The following PAN3 variants were observed in gnomAD, a reference collection of about 807,000 sequenced individuals.
PAN3 encodes PAN2-PAN3 deadenylation complex subunit PAN3.
Under a neutral mutation model 96.2 loss-of-function variants are expected in PAN3, and 19 were observed. That is an observed-to-expected ratio of 0.20 (90% CI 0.14 to 0.29). The LOEUF is 0.29. PAN3 is among the 10% of genes least tolerant of loss of function. PAN3 has a pLI of 1.00. For missense variants in PAN3, 882 were observed against 1,108.1 expected, an observed-to-expected ratio of 0.80 and a Z score of 2.90; for synonymous variants, 433 against 406.6, an observed-to-expected ratio of 1.06 and a Z score of -0.78.
rs113857357 is a variant in PAN3 at position 28,185,151 on chromosome 13, C to T, written c.690+7216C>T. ...GTGAATGATCTCTAGTAATCAGTTT[C>T]CCTTAGTAAATGGCTATGTGTTCTC... On this transcript the variant is annotated intron_variant, in intron 4 of 18. Coordinates refer to ENST00000380958, the MANE Select transcript of PAN3 (RefSeq NM_175854.8). Among the ~76,000 whole-genome samples, 1,448 of 152,160 alleles carry T rather than the reference C, an allele frequency of 9.5e-3. 17 individuals are homozygous for T. The highest frequency in any genetic ancestry group is 0.033 in the African/African-American group (1,383 of 41,524).
intron 2 of PAN3, 87 bp downstream of exon 2, chr13:28,174,480 T>G (rs1874701917): frequency 7.0e-7 from 1 of 1,426,054 alleles, no homozygotes; most frequent in Admixed American, 2.1e-5. Context: ...CCTACATTTG[T>G]TGAGTGGGAG....
chr13:28,268,591 T>C (rs991580894), intron 12 of PAN3, among the ~76,000 whole-genome samples: 5 of 152,156 alleles, frequency 3.3e-5, no homozygotes, highest in African/African-American at 1.2e-4. Context: ...CATTTTGAGA[T>C]GTCTATTCAT....
chr13:28,247,851 G>A (rs796512061), intron 6 of PAN3, among the ~76,000 whole-genome samples: 33 of 152,284 alleles, frequency 2.2e-4, no homozygotes, highest in African/African-American at 7.7e-4. Flanking sequence ...TTTGAAGCAA[G>A]TAGTAGATGT....
intron 4 of PAN3, among the ~76,000 whole-genome samples, chr13:28,183,569 A>G (rs1006303505): frequency 6.6e-6 from 1 of 152,212 alleles, no homozygotes; most frequent in African/African-American, 2.4e-5. Context: ...AGTTCGGGGT[A>G]TGGGGAAGAC....
intron 1 of PAN3, among the ~76,000 whole-genome samples, chr13:28,140,580 C>G (rs1199760660): frequency 6.6e-6 from 1 of 152,098 alleles, no homozygotes; most frequent in Non-Finnish European, 1.5e-5. Context: ...CGGGATCTTC[C>G]TATGTTGCCC....
At chr13:28,286,601 G>C (rs536275993) in intron 17 of PAN3, among the ~76,000 whole-genome samples, 1 of 152,110 alleles carries the variant, frequency 6.6e-6, no homozygotes, top group African/African-American at 2.4e-5. Context: ...GTTTTGTCAG[G>C]TCTACTAAGT....
chr13:28,138,596 T>C lies in PAN3; in HGVS notation c.-62T>C, dbSNP rs1022825176. ...GGCAGCGTCTTCCTTTCCTCCCCCG[T>C]CTATGGTGGTGGCGGCGGCGGCTCC... On this transcript the variant is annotated 5_prime_UTR_variant, in exon 1 of 19. Transcript: ENST00000380958. 2 of 364,298 alleles carry C rather than the reference T, an allele frequency of 5.5e-6. No individual in the cohort carries two copies. The highest frequency in any genetic ancestry group is 7.6e-5 in the African/African-American group (2 of 26,254). The allele number at this position is 364,298 out of a possible 1,614,324, so 22.6% of individuals were successfully genotyped here.
intron 4 of PAN3, among the ~76,000 whole-genome samples, chr13:28,194,018 G>A (rs994981463): frequency 6.6e-6 from 1 of 151,918 alleles, no homozygotes; most frequent in Admixed American, 6.6e-5. Flanking sequence ...TTAGCCAGGT[G>A]TGGTGGCAGG....
At chr13:28,194,456 A>G (rs1194114756) in intron 4 of PAN3, among the ~76,000 whole-genome samples, 7 of 100,970 alleles carry the variant, frequency 6.9e-5, no homozygotes, top group African/African-American at 3.1e-4. Context: ...GTATGTATAT[A>G]TATATATATA....
chr13:28,246,906 C>T (rs2138532564), intron 6 of PAN3, among the ~76,000 whole-genome samples: 1 of 152,258 alleles, frequency 6.6e-6, no homozygotes, highest in East Asian at 1.9e-4. Context: ...GTCTCTTCTA[C>T]ATACTGATTT....
At chr13:28,260,955 AGTTTTTTT>A (rs1885669694) in intron 8 of PAN3, among the ~76,000 whole-genome samples, 1 of 152,200 alleles carries the variant, frequency 6.6e-6, no homozygotes, top group Admixed American at 6.5e-5. Flanking sequence ...GTTTTTTAAA[AGTTTTTTT>A]GTTTTGTTTA....
At chr13:28,276,109 T>G (rs1483883466) in intron 14 of PAN3, among the ~76,000 whole-genome samples, 1 of 152,186 alleles carries the variant, frequency 6.6e-6, no homozygotes, top group Non-Finnish European at 1.5e-5. Flanking sequence ...TTACCATCAT[T>G]TGTGGAAGCT....
chr13:28,209,113 G>T (rs1201335766), intron 5 of PAN3, among the ~76,000 whole-genome samples: 1 of 152,036 alleles, frequency 6.6e-6, no homozygotes, highest in East Asian at 1.9e-4. Context: ...TATTGTTTTT[G>T]TTTGTATTTT....
chr13:28,168,679 A>G (rs2138068221), intron 1 of PAN3, among the ~76,000 whole-genome samples: 1 of 152,162 alleles, frequency 6.6e-6, no homozygotes, highest in East Asian at 1.9e-4. Flanking sequence ...AGATCGTGCC[A>G]CTGCATTCCA....
chr13:28,208,185 T>A (rs1203359134), intron 5 of PAN3, among the ~76,000 whole-genome samples: 1 of 152,214 alleles, frequency 6.6e-6, no homozygotes, highest in Non-Finnish European at 1.5e-5. Flanking sequence ...AAAGAATACA[T>A]CTAAGTATTA....
At chr13:28,177,167 T>C (rs1875128447) in intron 3 of PAN3, among the ~76,000 whole-genome samples, 1 of 152,154 alleles carries the variant, frequency 6.6e-6, no homozygotes, top group Admixed American at 6.5e-5. Flanking sequence ...ATCTCACACA[T>C]GCCTTTTCAG....
chr13:28,142,158 A>G (rs974026760), intron 1 of PAN3, among the ~76,000 whole-genome samples: 2 of 152,186 alleles, frequency 1.3e-5, no homozygotes, highest in African/African-American at 4.8e-5. Flanking sequence ...ATCACAACCT[A>G]GGTATTACTG....
intron 14 of PAN3, among the ~76,000 whole-genome samples, chr13:28,276,096 A>G (rs1286282378): frequency 6.6e-6 from 1 of 152,180 alleles, no homozygotes; most frequent in African/African-American, 2.4e-5. Flanking sequence ...TCCTGGCTGC[A>G]TATTACCATC....
chr13:28,215,698 G>A, intron 5 of PAN3: 1 of 1,488,810 alleles, frequency 6.7e-7, no homozygotes, highest in South Asian at 1.2e-5. Context: ...TTGAAGTCTG[G>A]TGATGCCGCC....
Sources: allele counts gnomAD v4.1 joint callset (sites outside exome capture counted in the v4.1 genomes callset), GRCh38; gene constraint gnomAD v4.1.1; transcripts MANE v1.5; gene names NCBI Gene and HGNC (gene_info 2026-07-23, HGNC 2026-07-21).